Variants in NIPAL1 observed in about 807,000 individuals in gnomAD.
NIPAL1 encodes the protein NIPA like domain containing 1, also known as magnesium transporter NIPA3.
Under a neutral mutation model 37.7 loss-of-function variants are expected in NIPAL1, and 35 were observed. The ratio of observed to expected loss-of-function variants is 0.93; its 90% CI spans 0.71 to 1.23. NIPAL1 has a LOEUF of 1.23. Ranked by LOEUF, NIPAL1 falls within the 50% of genes most tolerant of loss-of-function variation. The pLI is 0.00. For missense variants in NIPAL1, 412 were observed against 473.9 expected (o/e 0.87, Z 1.21); for synonymous variants, 162 against 183.0 (o/e 0.89, Z 0.93).
At chr4:48,024,929 G>A in intron 1 of NIPAL1, 139 bp from the exon 2 acceptor site, 2 of 697,074 alleles carry the variant, frequency 2.9e-6, no homozygotes, top group Non-Finnish European at 4.9e-6. Context: ...AGGTCTGTGG[G>A]CCACCTGTTA....
rs1216443068 is a variant in NIPAL1, at chr4:48,027,700, TATA to T, written c.313+2369_313+2371del. ...AGAAAACTCCATTTTCTATAGTAAATATAATGACAAAGTCACAGATTAGAGTAG... is the reference window on the plus strand; with the variant it reads ...AGAAAACTCCATTTTCTATAGTAAATATGACAAAGTCACAGATTAGAGTAG... On this transcript the variant is annotated intron_variant, in intron 2 of 5. Coordinates refer to ENST00000295461, the MANE Select transcript of NIPAL1 (RefSeq NM_207330.3). This position sits in a 1 kb window ranked among gnomAD's most constrained non-coding sequence, Gnocchi z 4.1. 6.6e-6 allele frequency among the ~76,000 whole-genome samples: 1 copy of T among 152,190 alleles called. No homozygotes were observed. Among genetic ancestry groups the T allele is most frequent in the Non-Finnish European group, 1.5e-5 (1 of 68,020 alleles).
At chr4:48,028,803 T>C (rs1239285136) in intron 2 of NIPAL1, among the ~76,000 whole-genome samples, 1 of 151,944 alleles carries the variant, frequency 6.6e-6, no homozygotes, top group Non-Finnish European at 1.5e-5. Flanking sequence ...GACCAACATA[T>C]ATATGAAAAA....
chr4:48,023,198 C>A (rs1221923833), intron 1 of NIPAL1, among the ~76,000 whole-genome samples: 1 of 152,028 alleles, frequency 6.6e-6, no homozygotes, highest in African/African-American at 2.4e-5. Flanking sequence ...GGGTGAGCCA[C>A]CATGTCCAAC....
At chr4:48,024,729 C>T (rs182215924) in intron 1 of NIPAL1, among the ~76,000 whole-genome samples, 31 of 152,268 alleles carry the variant, frequency 2.0e-4, no homozygotes, top group African/African-American at 6.5e-4. Context: ...TGAGCACAAG[C>T]CGGTCTGAAC....
At chr4:48,021,733 A>C (rs1577622124) in intron 1 of NIPAL1, among the ~76,000 whole-genome samples, 1 of 152,146 alleles carries the variant, frequency 6.6e-6, no homozygotes, top group Non-Finnish European at 1.5e-5. Flanking sequence ...TTATCATTAC[A>C]CTTTCATAGG....
chr4:48,034,772 C>T, intron 4 of NIPAL1, 109 bp from the exon 5 acceptor site: 1 of 762,102 alleles, frequency 1.3e-6, no homozygotes. Context: ...ATATTCCAGT[C>T]AGCTCATTGG....
At chr4:48,019,136 G>A (rs1239565423) in intron 1 of NIPAL1, among the ~76,000 whole-genome samples, 2 of 152,164 alleles carry the variant, frequency 1.3e-5, no homozygotes, top group African/African-American at 4.8e-5. Flanking sequence ...TCCTGCCTCA[G>A]CCTCTCAAGT....
At position 48,029,527 on chromosome 4, in the gene NIPAL1, A is replaced by G. The variant is rs184994328; in HGVS notation, c.314-593A>G. 2.4e-4 allele frequency among the ~76,000 whole-genome samples: 37 copies of G among 152,316 alleles called. No homozygotes were observed. The East Asian group carries it at 6.7e-3, about 28-fold the overall frequency. The stretch of plus-strand genomic sequence containing the variant: ...AGATACACTAAAGGCCAGACTTTAC[A>G]GTAGATTTATGTAACACAACTACAC... On this transcript the variant is annotated intron_variant, in intron 2 of 5. Transcript: ENST00000295461.
At chr4:48,028,732 AC>A (rs1715748736) in intron 2 of NIPAL1, among the ~76,000 whole-genome samples, 1 of 152,104 alleles carries the variant, frequency 6.6e-6, no homozygotes, top group Admixed American at 6.5e-5. Flanking sequence ...CAAGAAAAAA[AC>A]AAACCCATGA....
intron 2 of NIPAL1, among the ~76,000 whole-genome samples, chr4:48,029,018 G>A (rs894873594): frequency 1.3e-5 from 2 of 152,216 alleles, no homozygotes; most frequent in Middle Eastern, 3.4e-3. Flanking sequence ...AGATCTCTCA[G>A]AGAACTAAAA....
intron 5 of NIPAL1, 86 bp downstream of exon 5, chr4:48,035,127 G>T (rs1219567066): frequency 7.9e-6 from 9 of 1,135,698 alleles, no homozygotes; most frequent in Non-Finnish European, 1.2e-5. Flanking sequence ...ATTGTAATAA[G>T]CTTTCTACAT....
At position 48,026,493 on chromosome 4, in the gene NIPAL1, C is replaced by T. The variant is rs111564714; in HGVS notation, c.313+1159C>T. 1.6e-4 allele frequency among the ~76,000 whole-genome samples: 25 copies of T among 152,118 alleles called. 1 individual carries two copies. The highest frequency in any genetic ancestry group is 4.3e-4 in the African/African-American group (18 of 41,508). On this transcript the variant is annotated intron_variant, in intron 2 of 5. Coordinates refer to ENST00000295461, the MANE Select transcript of NIPAL1 (RefSeq NM_207330.3). The stretch of plus-strand genomic sequence containing the variant: ...AAACAATTTGATACTGGCATTAAAG[C>T]GACAAAATCATAACAGATAATTTAA...
chr4:48,039,806 A>T lies in NIPAL1; in HGVS notation c.*3634A>T, dbSNP rs951651807. ...TTTGAATTCTTACAGTCTTGTCACT[A>T]GAGACTTAAAAGGACCATTGAGTGC... On this transcript the variant is annotated 3_prime_UTR_variant, in exon 6 of 6. Transcript: ENST00000295461. 1 of 152,254 alleles carries T rather than the reference A, an allele frequency of 6.6e-6. No individual in the cohort carries two copies. Among genetic ancestry groups the T allele is most frequent in the African/African-American group, 2.4e-5 (1 of 41,476 alleles). The allele number at this position is 152,254 out of a possible 1,614,324, so 9.4% of individuals were successfully genotyped here. A position where few individuals can be genotyped will look rare whatever the true frequency, so the allele number is the denominator to read the frequency against.
At chr4:48,033,132 G>T in intron 4 of NIPAL1, 49 bp downstream of exon 4, 1 of 1,179,286 alleles carries the variant, frequency 8.5e-7, no homozygotes, top group Admixed American at 1.8e-5. Flanking sequence ...TTAAGACCAA[G>T]ATAAACTTAA....
At position 48,020,069 on chromosome 4, in the gene NIPAL1, G is replaced by C. The variant is rs75642016; in HGVS notation, c.46+3184G>C. ...CCTATCTGCCCCCACTGGAATATAAGAGAGCGGGACCATTGTTGTATTCAT... is the reference window on the plus strand; with the variant it reads ...CCTATCTGCCCCCACTGGAATATAACAGAGCGGGACCATTGTTGTATTCAT... On this transcript the variant is annotated intron_variant, in intron 1 of 5. Coordinates refer to ENST00000295461, the MANE Select transcript of NIPAL1 (RefSeq NM_207330.3). 3.9e-5 allele frequency among the ~76,000 whole-genome samples: 6 copies of C among 152,202 alleles called. 1 individual carries two copies. The highest frequency in any genetic ancestry group is 1.4e-4 in the African/African-American group (6 of 41,448).
At position 48,039,337 on chromosome 4, in the gene NIPAL1, G is replaced by C. The variant is rs964278588; in HGVS notation, c.*3165G>C. 1 of 146,370 alleles carries C rather than the reference G, an allele frequency of 6.8e-6. No individual in the cohort carries two copies. Among genetic ancestry groups the C allele is most frequent in the African/African-American group, 2.5e-5 (1 of 40,222 alleles). The allele number at this position is 146,370 out of a possible 1,614,324, so 9.1% of individuals were successfully genotyped here. A position where few individuals can be genotyped will look rare whatever the true frequency, so the allele number is the denominator to read the frequency against. ...CCAGCCTGGGTAACAGCAAGACTCC[G>C]TCTCAAAAAAAAAAAAAATTCCCAA... On this transcript the variant is annotated 3_prime_UTR_variant, in exon 6 of 6. Transcript: ENST00000295461.
intron 2 of NIPAL1, 104 bp from the exon 3 acceptor site, chr4:48,030,016 A>C: frequency 3.2e-6 from 2 of 625,818 alleles, no homozygotes; most frequent in East Asian, 2.9e-5. Context: ...TTACTGACTT[A>C]ACTTTTCTAA....
chr4:48,036,065 G>GTC lies in NIPAL1; in HGVS notation c.1132_1133dup (p.Asn379Ter), dbSNP rs1394224182. ...TACATCCACTGCTAAGAAAGAAGCC[G>GTC]TCTCTCTGAATGTCAATGAAAACAA... On this transcript the variant is annotated frameshift_variant, in exon 6 of 6. Coordinates refer to ENST00000295461, the MANE Select transcript of NIPAL1 (RefSeq NM_207330.3). LOFTEE classifies it high-confidence loss of function. The GTC allele has an allele frequency of 5.6e-6, 9 of 1,609,916 alleles. No individual in the cohort carries two copies. The highest frequency in any genetic ancestry group is 7.6e-6 in the Non-Finnish European group (9 of 1,179,082).
chr4:48,032,911 C>T, intron 3 of NIPAL1, 82 bp from the exon 4 acceptor site: 1 of 869,742 alleles, frequency 1.1e-6, no homozygotes. Context: ...GTTAAAAGTC[C>T]ACTGCTTTGC....
Sources: allele counts gnomAD v4.1 joint callset (sites outside exome capture counted in the v4.1 genomes callset), GRCh38; gene constraint gnomAD v4.1.1; non-coding constraint Gnocchi (gnomAD v3.1); transcripts MANE v1.5; gene names NCBI Gene and HGNC (gene_info 2026-07-23, HGNC 2026-07-21).